SLC45A4: variants seen among roughly 807,000 people sequenced by gnomAD.
SLC45A4 encodes the protein polyamine-transporter SLC45A4.
Under a neutral mutation model 63.7 loss-of-function variants are expected in SLC45A4, and 32 were observed. The observed-to-expected ratio is 0.50, with a 90% CI of 0.38 to 0.67. The LOEUF (loss-of-function observed/expected upper bound fraction) is 0.67, where lower values mean the gene tolerates loss of function less well. SLC45A4 is among the 30% of genes least tolerant of loss of function. SLC45A4 has a pLI of 0.00. For missense variants in SLC45A4, 1,027 were observed against 1,157.7 expected (o/e 0.89, Z 1.64); for synonymous variants, 535 against 510.0 (o/e 1.05, Z -0.66).
intron 1 of SLC45A4, among the ~76,000 whole-genome samples, chr8:141,302,309 G>A (rs1381845389): frequency 6.6e-6 from 1 of 151,968 alleles, no homozygotes; most frequent in Admixed American, 6.6e-5. Flanking sequence ...GCTCAGGCTG[G>A]AGTGAAGTGG....
At position 141,256,556 on chromosome 8, in the gene SLC45A4, A is replaced by G. The variant is rs183697363; in HGVS notation, c.-400-1927T>C. On this transcript the variant is annotated intron_variant, in intron 1 of 8. Coordinates refer to ENST00000517878, the MANE Select transcript of SLC45A4 (RefSeq NM_001286646.2). The surrounding 1 kb of genome is among the most constrained non-coding windows in gnomAD (Gnocchi z 4.3). ...CAGGAGGGAGAAGACTCCGCTGTAC[A>G]GGAGGTTCTGGAAGGAAGCCGTGCG... 4.4e-5 allele frequency: 20 copies of G among 456,280 alleles called. No homozygotes were observed. The East Asian group carries it at 1.3e-3, about 29-fold the overall frequency. The allele number at this position is 456,280 out of a possible 1,614,324, so 28.3% of individuals were successfully genotyped here. A position where few individuals can be genotyped will look rare whatever the true frequency, so the allele number is the denominator to read the frequency against.
chr8:141,237,125 C>G lies in SLC45A4; in HGVS notation c.242-15360G>C, dbSNP rs1289072876. Reference sequence around the variant, plus strand: ...GCGATCTAGTAAGTTTGGAAATTGCCAAAATATGATATATTGCTTACTATA... The same window carrying G: ...GCGATCTAGTAAGTTTGGAAATTGCGAAAATATGATATATTGCTTACTATA... On this transcript the variant is annotated intron_variant, in intron 2 of 8. Transcript: ENST00000517878. Among the ~76,000 whole-genome samples, 4 of 151,986 alleles carry G rather than the reference C, an allele frequency of 2.6e-5. 1 individual carries two copies. The highest frequency in any genetic ancestry group is 5.9e-5 in the Non-Finnish European group (4 of 68,026).
At chr8:141,262,555 G>C (rs1211600354) in intron 1 of SLC45A4, among the ~76,000 whole-genome samples, 3 of 151,496 alleles carry the variant, frequency 2.0e-5, no homozygotes, top group Admixed American at 6.6e-5. Flanking sequence ...GTGGGTGAAG[G>C]ATATGAACAG....
At chr8:141,221,433 G>T (rs1196627917) in intron 3 of SLC45A4, 144 bp downstream of exon 3, 3 of 1,055,826 alleles carry the variant, frequency 2.8e-6, no homozygotes, top group Middle Eastern at 3.2e-4. Context: ...GGTGGTCACC[G>T]CCAGGGTGGC....
At chr8:141,267,781 G>GA (rs1231978156) in intron 1 of SLC45A4, among the ~76,000 whole-genome samples, 1 of 152,240 alleles carries the variant, frequency 6.6e-6, no homozygotes, top group Non-Finnish European at 1.5e-5. Flanking sequence ...ACACCTATGA[G>GA]AATGGCCAAA....
intron 2 of SLC45A4, among the ~76,000 whole-genome samples, chr8:141,249,017 T>TAAAA (rs34897440): frequency 1.7e-5 from 2 of 119,336 alleles, no homozygotes; most frequent in Non-Finnish European, 1.8e-5. Flanking sequence ...GACCCCATCT[T>TAAAA]AAAAAAAAAA....
At chr8:141,307,565 G>C (rs1328735322) in intron 1 of SLC45A4, among the ~76,000 whole-genome samples, 1 of 152,050 alleles carries the variant, frequency 6.6e-6, no homozygotes, top group African/African-American at 2.4e-5. Context: ...GAGTGTGTTC[G>C]GTTGGGAGGA....
chr8:141,268,144 T>C (rs1218499704), intron 1 of SLC45A4, among the ~76,000 whole-genome samples: 1 of 152,246 alleles, frequency 6.6e-6, no homozygotes, highest in African/African-American at 2.4e-5. Context: ...AAATGAGCTC[T>C]GACGCCATGC....
In SLC45A4 at chr8:141,278,548, G is replaced by A. The variant is rs116099206; in HGVS notation, c.-400-23919C>T. Among the ~76,000 whole-genome samples, 1,839 of 152,044 alleles carry A rather than the reference G, an allele frequency of 0.012. 34 individuals are homozygous for A. Among genetic ancestry groups the A allele is most frequent in the African/African-American group, 0.042 (1,731 of 41,518 alleles). ...CCCACGAGGACACTGGTGAGACAGG[G>A]GTGAGCACCTGCAGTGGAGGTGGGG... On this transcript the variant is annotated intron_variant, in intron 1 of 8. Coordinates refer to ENST00000517878, the MANE Select transcript of SLC45A4 (RefSeq NM_001286646.2). This position sits in a 1 kb window ranked among gnomAD's most constrained non-coding sequence, Gnocchi z 4.1.
At chr8:141,258,388 C>T (rs1426912046) in intron 1 of SLC45A4, among the ~76,000 whole-genome samples, 2 of 152,226 alleles carry the variant, frequency 1.3e-5, no homozygotes, top group African/African-American at 4.8e-5. Flanking sequence ...AGCTCAGCTG[C>T]GCTCCAGCCA....
intron 6 of SLC45A4, 47 bp downstream of exon 6, chr8:141,217,043 T>G: frequency 5.1e-6 from 8 of 1,578,770 alleles, no homozygotes; most frequent in African/African-American, 1.3e-5. Flanking sequence ...TTCTAATCAC[T>G]GAGTTTTCTG....
rs764553762 is a variant in SLC45A4, at chr8:141,227,153, GAAC to G, written c.242-5391_242-5389del. ...TTTTGTTTTTTCCCAGGGAAAAGTT[GAAC>G]AACAATGGTGAGACCAGGAAGGCTC... On this transcript the variant is annotated intron_variant, in intron 2 of 8. Coordinates refer to ENST00000517878, the MANE Select transcript of SLC45A4 (RefSeq NM_001286646.2). This position sits in a 1 kb window ranked among gnomAD's most constrained non-coding sequence, Gnocchi z 4.4. 5.3e-5 allele frequency among the ~76,000 whole-genome samples: 8 copies of G among 152,176 alleles called. No individual in the cohort carries two copies. The highest frequency in any genetic ancestry group is 1.2e-4 in the Non-Finnish European group (8 of 68,036).
chr8:141,242,356 T>C (rs1416403229), intron 2 of SLC45A4, among the ~76,000 whole-genome samples: 1 of 152,240 alleles, frequency 6.6e-6, no homozygotes, highest in Non-Finnish European at 1.5e-5. Context: ...CCTAGGTATC[T>C]AATAGGCCAG....
In SLC45A4 at chr8:141,218,320, G is replaced by A. The variant is rs1056429014; in HGVS notation, c.1320C>T (p.Tyr440=). 1 of 1,607,330 alleles carries A rather than the reference G, an allele frequency of 6.2e-7. No individual in the cohort carries two copies. ...YGKLGSHCYR[Y]RRANAVVLIK... is the part of the protein sequence containing the mutation. Reference sequence around the variant, plus strand: ...TCAGCACCACGGCGTTGGCGCGCCGGTAGCGGTAGCAGTGGGACCCAAGCT... The same window carrying A: ...TCAGCACCACGGCGTTGGCGCGCCGATAGCGGTAGCAGTGGGACCCAAGCT... Residue 440 remains tyrosine (Y), a synonymous_variant, in exon 5 of 9, where the codon TAC becomes TAT. Coordinates refer to ENST00000517878, the MANE Select transcript of SLC45A4 (RefSeq NM_001286646.2).
intron 1 of SLC45A4, among the ~76,000 whole-genome samples, chr8:141,284,872 C>T (rs1404110892): frequency 3.3e-5 from 5 of 152,056 alleles, no homozygotes; most frequent in Admixed American, 3.3e-4. Flanking sequence ...TGCCCGTGCC[C>T]CCTGCCCCGC....
chr8:141,264,450 G>A (rs778749260), intron 1 of SLC45A4, among the ~76,000 whole-genome samples: 1 of 152,186 alleles, frequency 6.6e-6, no homozygotes, highest in African/African-American at 2.4e-5. Context: ...GACCTCTGCT[G>A]GGGGAGGGGA....
At chr8:141,217,279 TG>T in intron 5 of SLC45A4, 90 bp from the exon 6 acceptor site, 6 of 1,360,400 alleles carry the variant, frequency 4.4e-6, no homozygotes, top group Non-Finnish European at 6.1e-6. Flanking sequence ...GCTGGCCGGC[TG>T]CTCATTCTAA....
rs1827046918 is a variant in SLC45A4, at chr8:141,227,059, G to C, written c.242-5294C>G. 2.0e-5 allele frequency: 3 copies of C among 152,270 alleles called. No individual in the cohort carries two copies. The highest frequency in any genetic ancestry group is 1.3e-4 in the Admixed American group (2 of 15,294). The allele number at this position is 152,270 out of a possible 1,614,324, so 9.4% of individuals were successfully genotyped here. ...CCGTTCGTAGCAGGGGGCTGCCACTGGGACGGCTCTGACGGGGCATTTCCC... is the reference window on the plus strand; with the variant it reads ...CCGTTCGTAGCAGGGGGCTGCCACTCGGACGGCTCTGACGGGGCATTTCCC... On this transcript the variant is annotated intron_variant, in intron 2 of 8. Transcript: ENST00000517878. The surrounding 1 kb of genome is among the most constrained non-coding windows in gnomAD (Gnocchi z 4.4).
intron 1 of SLC45A4, among the ~76,000 whole-genome samples, chr8:141,258,186 C>T (rs1828889086): frequency 6.6e-6 from 1 of 151,976 alleles, no homozygotes; most frequent in Admixed American, 6.5e-5. Context: ...TTGCTGCCCT[C>T]CGGCCTGGCC....
Sources: allele counts gnomAD v4.1 joint callset (sites outside exome capture counted in the v4.1 genomes callset), GRCh38; gene constraint gnomAD v4.1.1; non-coding constraint Gnocchi (gnomAD v3.1); transcripts MANE v1.5; gene names NCBI Gene and HGNC (gene_info 2026-07-23, HGNC 2026-07-21).